The following LRMDA variants were observed in gnomAD, a reference collection of about 807,000 sequenced individuals.
LRMDA encodes leucine-rich melanocyte differentiation-associated protein.
LRMDA carries 18 observed loss-of-function variants against 29.8 expected under a neutral mutation model. That is an observed-to-expected ratio of 0.60 (90% CI 0.42 to 0.90). The LOEUF (loss-of-function observed/expected upper bound fraction) is 0.90, where lower values mean the gene tolerates loss of function less well. Among genes scored for constraint, LRMDA ranks in the 40% least tolerant of loss-of-function variants. The pLI is 0.00. For synonymous variants in LRMDA, 125 were observed against 109.4 expected (o/e 1.14, Z -0.89); for missense variants, 273 against 273.9 (o/e 1.00, Z 0.02).
intron 2 of LRMDA, among the ~76,000 whole-genome samples, chr10:75,459,239 G>A (rs1428956750): frequency 6.6e-6 from 1 of 152,114 alleles, no homozygotes; most frequent in Non-Finnish European, 1.5e-5. Flanking sequence ...TTTGAGACCT[G>A]CCTGGGCTGA....
intron 6 of LRMDA, among the ~76,000 whole-genome samples, chr10:76,476,691 C>T (rs188818847): frequency 3.0e-4 from 46 of 152,098 alleles, no homozygotes; most frequent in African/African-American, 9.6e-4. Context: ...ACATCAAAAA[C>T]CTTATCCACC....
At chr10:76,130,211 C>A (rs1441406478) in intron 5 of LRMDA, among the ~76,000 whole-genome samples, 1 of 151,724 alleles carries the variant, frequency 6.6e-6, no homozygotes, top group Non-Finnish European at 1.5e-5. Flanking sequence ...TACCCAATCT[C>A]CACTTAGACT....
intron 2 of LRMDA, among the ~76,000 whole-genome samples, chr10:76,032,620 A>G (rs1848168586): frequency 6.6e-6 from 1 of 152,082 alleles, no homozygotes; most frequent in African/African-American, 2.4e-5. Flanking sequence ...GGAACGAGGG[A>G]AGGAGGTAAG....
At chr10:75,489,261 G>A (rs997195848) in intron 2 of LRMDA, among the ~76,000 whole-genome samples, 1 of 151,522 alleles carries the variant, frequency 6.6e-6, no homozygotes, top group Admixed American at 6.6e-5. Flanking sequence ...CACTAGCTGA[G>A]GATGACAATA....
At chr10:76,531,584 G>A (rs1843234496) in intron 6 of LRMDA, among the ~76,000 whole-genome samples, 1 of 152,006 alleles carries the variant, frequency 6.6e-6, no homozygotes, top group African/African-American at 2.4e-5. Context: ...AAATATATCA[G>A]TTATATTTAT....
intron 2 of LRMDA, among the ~76,000 whole-genome samples, chr10:75,924,574 C>T (rs1846086225): frequency 6.6e-6 from 1 of 151,998 alleles, no homozygotes; most frequent in Non-Finnish European, 1.5e-5. Context: ...GACTGGCTGC[C>T]CAGAGGAGTG....
At chr10:76,283,130 G>T (rs1352371515) in intron 5 of LRMDA, among the ~76,000 whole-genome samples, 2 of 152,180 alleles carry the variant, frequency 1.3e-5, no homozygotes, top group East Asian at 3.9e-4. Flanking sequence ...CCTTTAATGG[G>T]AAATGTGAAA....
At chr10:75,730,775 G>A (rs997308594) in intron 2 of LRMDA, among the ~76,000 whole-genome samples, 1 of 151,938 alleles carries the variant, frequency 6.6e-6, no homozygotes, top group African/African-American at 2.4e-5. Context: ...TTTTTATATG[G>A]ATCTTAAGCC....
intron 5 of LRMDA, among the ~76,000 whole-genome samples, chr10:76,083,527 A>T (rs112878254): frequency 6.6e-6 from 1 of 152,328 alleles, no homozygotes; most frequent in Admixed American, 6.5e-5. Context: ...TAACATAGGT[A>T]TAAAATAAAG....
intron 5 of LRMDA, among the ~76,000 whole-genome samples, chr10:76,320,529 T>C (rs1007744556): frequency 6.6e-6 from 1 of 152,126 alleles, no homozygotes; most frequent in Non-Finnish European, 1.5e-5. Flanking sequence ...TACTAGAGAA[T>C]TGTTACAGGA....
At chr10:76,427,711 G>C (rs1282095680) in intron 6 of LRMDA, among the ~76,000 whole-genome samples, 7 of 152,142 alleles carry the variant, frequency 4.6e-5, no homozygotes, top group Non-Finnish European at 8.8e-5. Flanking sequence ...TCCAGTTTTT[G>C]CCCATTCAGT....
At chr10:75,772,857 G>A (rs111881097) in intron 2 of LRMDA, among the ~76,000 whole-genome samples, 2 of 118,452 alleles carry the variant, frequency 1.7e-5, no homozygotes, top group African/African-American at 5.6e-5. Flanking sequence ...TTATTTTTTG[G>A]GGGGGGTGGG....
intron 2 of LRMDA, among the ~76,000 whole-genome samples, chr10:75,816,114 C>A (rs1844054968): frequency 6.6e-6 from 1 of 152,216 alleles, no homozygotes; most frequent in African/African-American, 2.4e-5. Context: ...TCATCTATCC[C>A]AGATCTCTCT....
At chr10:76,332,972 T>C (rs1016026848) in intron 6 of LRMDA, among the ~76,000 whole-genome samples, 18 of 152,186 alleles carry the variant, frequency 1.2e-4, no homozygotes, top group African/African-American at 4.3e-4. Flanking sequence ...CTCTATTAGT[T>C]GGTAAAAGCT....
At chr10:76,091,855 T>TA (rs375864462) in intron 5 of LRMDA, among the ~76,000 whole-genome samples, 318 of 127,762 alleles carry the variant, frequency 2.5e-3, no homozygotes, top group African/African-American at 8.5e-3. Context: ...CTGGGTGATT[T>TA]AAAAAAAAAA....
chr10:75,881,973 C>A (rs1359034), intron 2 of LRMDA, among the ~76,000 whole-genome samples: 59,129 of 151,994 alleles, frequency 0.39, 13,392 homozygotes, highest in South Asian at 0.5. Flanking sequence ...CTTGTTTGAC[C>A]GATGGAGGTC....
chr10:75,985,768 G>A (rs1469069172), intron 2 of LRMDA, among the ~76,000 whole-genome samples: 1 of 152,146 alleles, frequency 6.6e-6, no homozygotes, highest in Non-Finnish European at 1.5e-5. Context: ...GCACATCAGG[G>A]TACTTGTACA....
At position 75,852,606 on chromosome 10, in the gene LRMDA, A is replaced by T. The variant is rs950019770; in HGVS notation, c.132-183402A>T. Among the ~76,000 whole-genome samples the T allele has an allele frequency of 9.2e-5, 14 of 152,260 alleles. No homozygotes were observed. The East Asian group carries it at 2.5e-3, about 27-fold the overall frequency. ...GTCTCAAAAATTTGGTCCAGCTTTG[A>T]GATGTGATCCTGGATTGTTAGCAAA... On this transcript the variant is annotated intron_variant, in intron 2 of 6. Coordinates refer to ENST00000611255, the MANE Select transcript of LRMDA (RefSeq NM_001305581.2).
At chr10:76,190,869 G>C (rs1851231963) in intron 5 of LRMDA, among the ~76,000 whole-genome samples, 2 of 152,180 alleles carry the variant, frequency 1.3e-5, no homozygotes, top group African/African-American at 4.8e-5. Context: ...AGCAGCACTG[G>C]GGCAGCTCTT....
Sources: allele counts gnomAD v4.1 joint callset (sites outside exome capture counted in the v4.1 genomes callset), GRCh38; gene constraint gnomAD v4.1.1; transcripts MANE v1.5; gene names NCBI Gene and HGNC (gene_info 2026-07-23, HGNC 2026-07-21).